The following PRMT9 variants were observed in gnomAD, a reference collection of about 807,000 sequenced individuals.
PRMT9 encodes protein arginine methyltransferase 9.
In PRMT9, 59 loss-of-function variants were observed where a neutral mutation model predicts 83.2. That is an observed-to-expected ratio of 0.71 (90% CI 0.57 to 0.88). PRMT9 has a LOEUF of 0.88. PRMT9 is among the 40% of genes least tolerant of loss of function. The pLI is 0.00. For missense variants in PRMT9, 947 were observed against 1,021.9 expected (o/e 0.93, Z 1.00); for synonymous variants, 333 against 353.2 (o/e 0.94, Z 0.64).
At chr4:147,682,924 A>C (rs1398094411) in intron 1 of PRMT9, among the ~76,000 whole-genome samples, 1 of 152,192 alleles carries the variant, frequency 6.6e-6, no homozygotes, top group Non-Finnish European at 1.5e-5. Flanking sequence ...CCCCATAACA[A>C]AGAATTATCC....
chr4:147,677,866 A>C (rs1736192458), intron 2 of PRMT9, among the ~76,000 whole-genome samples: 1 of 152,180 alleles, frequency 6.6e-6, no homozygotes, highest in Non-Finnish European at 1.5e-5. Context: ...TATTCATACA[A>C]CTTATTGTGA....
intron 9 of PRMT9, among the ~76,000 whole-genome samples, chr4:147,646,255 T>C (rs1733719859): frequency 6.6e-6 from 1 of 152,204 alleles, no homozygotes; most frequent in South Asian, 2.1e-4. Context: ...CTGTGATCCA[T>C]TTAAGTGAAG....
intron 7 of PRMT9, among the ~76,000 whole-genome samples, chr4:147,658,331 G>C (rs555339727): frequency 1.2e-4 from 18 of 151,990 alleles, no homozygotes; most frequent in African/African-American, 4.3e-4. Flanking sequence ...GGAGTAGTGA[G>C]AGAGAGCATG....
chr4:147,673,946 C>A (rs1344290883), intron 2 of PRMT9, 72 bp from the exon 3 acceptor site: 18 of 1,234,346 alleles, frequency 1.5e-5, no homozygotes, highest in African/African-American at 1.0e-4. Flanking sequence ...TTTGTTTATG[C>A]CACTCACTTG....
chr4:147,644,880 C>A (rs1056433231), intron 9 of PRMT9, among the ~76,000 whole-genome samples: 1 of 152,146 alleles, frequency 6.6e-6, no homozygotes, highest in Non-Finnish European at 1.5e-5. Context: ...TACTTTAAAC[C>A]AAATAATTAT....
At chr4:147,661,480 C>A (rs1048263571) in intron 6 of PRMT9, among the ~76,000 whole-genome samples, 7 of 151,988 alleles carry the variant, frequency 4.6e-5, no homozygotes, top group African/African-American at 1.7e-4. Context: ...CAACAGCCAC[C>A]CAGGAAATGG....
At chr4:147,659,968 T>C (rs955295268) in intron 7 of PRMT9, among the ~76,000 whole-genome samples, 1 of 152,176 alleles carries the variant, frequency 6.6e-6, no homozygotes, top group South Asian at 2.1e-4. Context: ...CCTAGGAATG[T>C]CTTAGTTTCA....
intron 11 of PRMT9, 51 bp downstream of exon 11, chr4:147,638,909 A>G (rs1270349274): frequency 2.0e-6 from 3 of 1,530,078 alleles, no homozygotes; most frequent in South Asian, 1.1e-5. Context: ...CTAATTTAAG[A>G]TAATTATTCT....
chr4:147,662,968 T>C (rs1305841465), intron 6 of PRMT9, among the ~76,000 whole-genome samples: 1 of 152,070 alleles, frequency 6.6e-6, no homozygotes, highest in Non-Finnish European at 1.5e-5. Context: ...TACAGATTAT[T>C]ACACTCTCAA....
chr4:147,638,302 C>T lies in PRMT9; in HGVS notation c.*230G>A. The T allele has an allele frequency of 1.9e-6, 1 of 529,932 alleles. No homozygotes were observed. Among genetic ancestry groups the T allele is most frequent in the Non-Finnish European group, 3.4e-6 (1 of 298,078 alleles). 32.8% of individuals were successfully genotyped at this position (529,932 alleles called of 1,614,324 possible). ...TGTAAAATCGAGCAAAAGAAGTTTCCTAATTTAAAAAACTAGTGATGTATC... is the reference window on the plus strand; with the variant it reads ...TGTAAAATCGAGCAAAAGAAGTTTCTTAATTTAAAAAACTAGTGATGTATC... On this transcript the variant is annotated 3_prime_UTR_variant, in exon 12 of 12. Coordinates refer to ENST00000322396, the MANE Select transcript of PRMT9 (RefSeq NM_138364.4).
intron 2 of PRMT9, among the ~76,000 whole-genome samples, chr4:147,677,753 G>A (rs1475212832): frequency 1.3e-5 from 2 of 151,748 alleles, no homozygotes; most frequent in Admixed American, 6.6e-5. Context: ...CACCATGCCC[G>A]ACCTAGAATT....
chr4:147,661,191 A>G (rs1441345885), intron 6 of PRMT9, 153 bp from the exon 7 acceptor site: 16 of 617,606 alleles, frequency 2.6e-5, no homozygotes, highest in East Asian at 1.6e-4. Flanking sequence ...ACACACACAT[A>G]TAAAACCACT....
Position 147,660,834 on chromosome 4 carries a change from A to G in PRMT9, c.1146+12T>C. 1.3e-6 allele frequency: 2 copies of G among 1,586,678 alleles called. No individual in the cohort carries two copies. The highest frequency in any genetic ancestry group is 1.7e-6 in the Non-Finnish European group (2 of 1,155,162). The stretch of plus-strand genomic sequence containing the variant: ...ATTTAATGCTTGAAAATAGTAACTG[A>G]ATTTTTTTCACCTGAAGGTTGTTGA... On this transcript the variant is annotated intron_variant, in intron 7 of 11. Coordinates refer to ENST00000322396, the MANE Select transcript of PRMT9 (RefSeq NM_138364.4).
intron 2 of PRMT9, among the ~76,000 whole-genome samples, chr4:147,679,531 T>C (rs1578944462): frequency 6.6e-6 from 1 of 151,942 alleles, no homozygotes; most frequent in South Asian, 2.1e-4. Flanking sequence ...GTGGATCGCT[T>C]GAGGTCAGGA....
rs563782109 is a variant in PRMT9, at chr4:147,638,328, C to G, written c.*204G>C. The G allele has an allele frequency of 3.4e-6, 2 of 581,414 alleles. No homozygotes were observed. The highest frequency in any genetic ancestry group is 5.8e-5 in the East Asian group (2 of 34,462). 36.0% of individuals were successfully genotyped at this position (581,414 alleles called of 1,614,324 possible). A position where few individuals can be genotyped will look rare whatever the true frequency, so the allele number is the denominator to read the frequency against. On this transcript the variant is annotated 3_prime_UTR_variant, in exon 12 of 12. Coordinates refer to ENST00000322396, the MANE Select transcript of PRMT9 (RefSeq NM_138364.4). The stretch of plus-strand genomic sequence containing the variant: ...TAATTTAAAAAACTAGTGATGTATC[C>G]TTTTCCAGAAAGCAAATCTGCAGCA...
At chr4:147,659,544 T>C (rs1429318943) in intron 7 of PRMT9, among the ~76,000 whole-genome samples, 3 of 151,614 alleles carry the variant, frequency 2.0e-5, no homozygotes, top group Non-Finnish European at 4.4e-5. Flanking sequence ...GAGAATTCTA[T>C]GTAACCTTTC....
chr4:147,655,185 A>G (rs185550507), intron 8 of PRMT9, among the ~76,000 whole-genome samples: 5 of 152,318 alleles, frequency 3.3e-5, no homozygotes, highest in African/African-American at 1.2e-4. Flanking sequence ...GTCTTTTGAG[A>G]CAAGATCTCA....
intron 7 of PRMT9, among the ~76,000 whole-genome samples, chr4:147,658,818 G>C (rs1216232283): frequency 2.0e-5 from 3 of 152,158 alleles, no homozygotes; most frequent in African/African-American, 7.2e-5. Context: ...TCTTAGGCTA[G>C]CTGGGCATGG....
intron 2 of PRMT9, among the ~76,000 whole-genome samples, chr4:147,678,463 C>G (rs1310926596): frequency 1.3e-5 from 2 of 152,212 alleles, no homozygotes; most frequent in African/African-American, 4.8e-5. Flanking sequence ...TCACAGAATT[C>G]TTCACGCACA....
Sources: gnomAD v4.1 joint callset for allele counts (sites outside exome capture counted in the v4.1 genomes callset) on GRCh38, gnomAD v4.1.1 for gene constraint, MANE v1.5 for transcripts, NCBI Gene and HGNC (gene_info 2026-07-23, HGNC 2026-07-21) for gene names.